Variants in SOAT1 observed in about 807,000 individuals in gnomAD.
The protein encoded by SOAT1 is acyl-coenzyme A:cholesterol acyltransferase 1.
In SOAT1, 55 loss-of-function variants were observed where a neutral mutation model predicts 69.5. The observed-to-expected ratio is 0.79, with a 90% CI of 0.64 to 0.99. The LOEUF (loss-of-function observed/expected upper bound fraction) is 0.99. SOAT1 is among the 50% of genes least tolerant of loss of function. SOAT1 has a pLI of 0.00. For missense variants in SOAT1, 580 were observed against 669.3 expected, an observed-to-expected ratio of 0.87 and a Z score of 1.47; for synonymous variants, 231 against 224.7, an observed-to-expected ratio of 1.03 and a Z score of -0.25.
intron 3 of SOAT1, among the ~76,000 whole-genome samples, chr1:179,326,980 T>C (rs1665817303): frequency 6.6e-6 from 1 of 152,214 alleles, no homozygotes. Flanking sequence ...ATTTTAGTAT[T>C]CTAGACCGAG....
chr1:179,295,655 T>TA (rs1404518202), intron 1 of SOAT1, among the ~76,000 whole-genome samples: 2 of 152,240 alleles, frequency 1.3e-5, no homozygotes, highest in African/African-American at 4.8e-5. Context: ...TTTCGAGAGA[T>TA]ACCATGTTCA....
intron 5 of SOAT1, 50 bp from the exon 6 acceptor site, chr1:179,339,388 T>C: frequency 7.7e-7 from 1 of 1,291,040 alleles, no homozygotes; most frequent in Non-Finnish European, 1.1e-6. Context: ...TATGGTGTTT[T>C]AAATTTAAAT....
chr1:179,319,030 G>GCACTACACCATTTAACATTCC (rs1376401875), intron 2 of SOAT1, among the ~76,000 whole-genome samples: 2 of 152,078 alleles, frequency 1.3e-5, no homozygotes, highest in African/African-American at 4.8e-5. Context: ...GTTTTTCAAA[G>GCACTACACCATTTAACATTCC]CACTACACCA....
intron 5 of SOAT1, among the ~76,000 whole-genome samples, chr1:179,338,413 G>C (rs1019321137): frequency 6.6e-6 from 1 of 152,046 alleles, no homozygotes; most frequent in Non-Finnish European, 1.5e-5. Flanking sequence ...ACAGAGCAAG[G>C]CTGTCTCAAT....
chr1:179,341,364 A>G (rs527452207), intron 7 of SOAT1, 54 bp downstream of exon 7: 166 of 1,498,316 alleles, frequency 1.1e-4, no homozygotes, highest in South Asian at 2.4e-5. Flanking sequence ...AAATAATAAT[A>G]ATGATGATGA....
At chr1:179,330,350 C>T (rs1160085736) in intron 3 of SOAT1, among the ~76,000 whole-genome samples, 1 of 152,150 alleles carries the variant, frequency 6.6e-6, no homozygotes, top group African/African-American at 2.4e-5. Context: ...AGAAAAACAT[C>T]TCAGAAGACC....
intron 9 of SOAT1, among the ~76,000 whole-genome samples, 174 bp from the exon 10 acceptor site, chr1:179,343,416 G>A (rs1392942055): frequency 6.6e-6 from 1 of 151,784 alleles, no homozygotes; most frequent in African/African-American, 2.4e-5. Context: ...TATTAGAGAC[G>A]GGGTTTCACC....
intron 8 of SOAT1, 65 bp downstream of exon 8, chr1:179,342,257 C>T: frequency 1.2e-6 from 1 of 847,668 alleles, no homozygotes; most frequent in Non-Finnish European, 1.8e-6. Context: ...ACCCCATTCC[C>T]TTCCCTTCCC....
intron 9 of SOAT1, 121 bp from the exon 10 acceptor site, chr1:179,343,469 A>G (rs1571451151): frequency 1.4e-6 from 1 of 715,930 alleles, no homozygotes; most frequent in South Asian, 1.8e-5. Flanking sequence ...ACTGCCTTCC[A>G]AAGTGCTTGG....
At chr1:179,327,752 G>A (rs932553266) in intron 3 of SOAT1, among the ~76,000 whole-genome samples, 1 of 135,412 alleles carries the variant, frequency 7.4e-6, no homozygotes, top group African/African-American at 2.8e-5. Flanking sequence ...ATTAAGTAAG[G>A]AAAAGTGTGA....
intron 14 of SOAT1, 150 bp downstream of exon 14, chr1:179,350,581 C>T: frequency 2.8e-6 from 2 of 709,492 alleles, no homozygotes; most frequent in Non-Finnish European, 4.5e-6. Flanking sequence ...AGAATATTGA[C>T]TTTGAATAAT....
chr1:179,336,334 ACGCCTGTCGTC>A (rs1157226760), intron 4 of SOAT1, among the ~76,000 whole-genome samples: 4 of 150,492 alleles, frequency 2.7e-5, no homozygotes, highest in Non-Finnish European at 5.9e-5. Context: ...GTGGTCGTGC[ACGCCTGTCGTC>A]CGCCTGTCGT....
At chr1:179,349,367 G>T (rs918491625) in intron 13 of SOAT1, among the ~76,000 whole-genome samples, 2 of 131,162 alleles carry the variant, frequency 1.5e-5, no homozygotes, top group Admixed American at 1.8e-4. Context: ...CGCTCTTGTT[G>T]CCCAGGCTGG....
intron 1 of SOAT1, among the ~76,000 whole-genome samples, chr1:179,295,725 G>A (rs906695585): frequency 5.9e-5 from 9 of 151,940 alleles, no homozygotes; most frequent in Admixed American, 5.2e-4. Flanking sequence ...TTGAAACTTT[G>A]CCTCCCAGGT....
chr1:179,331,256 C>T (rs1013021064), intron 3 of SOAT1, among the ~76,000 whole-genome samples: 2 of 152,176 alleles, frequency 1.3e-5, no homozygotes, highest in African/African-American at 4.8e-5. Context: ...TAGACAGGTA[C>T]CTGTCCTGTT....
At chr1:179,347,500 T>C in intron 11 of SOAT1, 100 bp from the exon 12 acceptor site, 2 of 670,204 alleles carry the variant, frequency 3.0e-6, no homozygotes, top group Admixed American at 2.8e-5. Context: ...ACTTATATTT[T>C]ACAAAATAAT....
intron 7 of SOAT1, chr1:179,341,866 T>A (rs1666351596): frequency 4.3e-6 from 1 of 230,592 alleles, no homozygotes; most frequent in African/African-American, 2.3e-5. Flanking sequence ...CAAGATTTTG[T>A]TTCTGAATAC....
chr1:179,313,101 A>G lies in SOAT1; in HGVS notation c.118+10299A>G, dbSNP rs141854971. ...ACATTATAAAAAATAATGTGTGTGT[A>G]CTTGTCTGTTTTATTTGCCAACCAG... On this transcript the variant is annotated intron_variant, in intron 2 of 15. Transcript: ENST00000367619. Among the ~76,000 whole-genome samples, 8 of 152,312 alleles carry G rather than the reference A, an allele frequency of 5.3e-5. No individual in the cohort carries two copies. The East Asian group carries it at 1.5e-3, about 29-fold the overall frequency.
intron 1 of SOAT1, among the ~76,000 whole-genome samples, chr1:179,301,257 A>G (rs997617707): frequency 1.3e-5 from 2 of 152,274 alleles, no homozygotes; most frequent in Middle Eastern, 3.4e-3. Context: ...CTTTAGAGTA[A>G]ACCTTGTACT....
Sources: gnomAD v4.1 joint callset for allele counts (sites outside exome capture counted in the v4.1 genomes callset) on GRCh38, gnomAD v4.1.1 for gene constraint, MANE v1.5 for transcripts, NCBI Gene and HGNC (gene_info 2026-07-23, HGNC 2026-07-21) for gene names.